The following CHD1 variants were observed in gnomAD, a reference collection of about 807,000 sequenced individuals.
The protein encoded by CHD1 is chromodomain helicase DNA binding protein 1, also known as ATP-dependent chromatin remodeler CHD1.
CHD1 carries 36 observed loss-of-function variants against 224.2 expected under a neutral mutation model. The ratio of observed to expected loss-of-function variants is 0.16; its 90% CI spans 0.12 to 0.21. The LOEUF (loss-of-function observed/expected upper bound fraction) is 0.21, where lower values mean the gene tolerates loss of function less well. CHD1 is among the 10% of genes least tolerant of loss of function. The pLI, the probability that CHD1 is intolerant of heterozygous loss-of-function variation, is 1.00. For missense variants in CHD1, 1,378 were observed against 1,994.8 expected (o/e 0.69, Z 5.89); for synonymous variants, 668 against 658.3 (o/e 1.01, Z -0.23).
In CHD1 at chr5:98,889,176, A is replaced by G; in HGVS notation, c.2243T>C (p.Phe748Ser). ...SKGSKGSTSG[F>S]LNIMMELKKC... Reference sequence around the variant, plus strand: ...CTTTAGCTCCATCATAATGTTCAAAAAGCCTGAGGTACTGCCCTTGGAACC... The same window carrying G: ...CTTTAGCTCCATCATAATGTTCAAAGAGCCTGAGGTACTGCCCTTGGAACC... Residue 748 changes from phenylalanine to serine, a missense_variant, in exon 16 of 36, where the codon TTT becomes TCT. Phe to Ser is a radical substitution (Grantham distance 155, BLOSUM62 -2). Transcript: ENST00000614616. 6.2e-7 allele frequency: 1 copy of G among 1,611,372 alleles called. No homozygotes were observed. The highest frequency in any genetic ancestry group is 8.5e-7 in the Non-Finnish European group (1 of 1,177,928).
intron 2 of CHD1, among the ~76,000 whole-genome samples, chr5:98,910,403 T>C (rs1294143107): frequency 6.6e-6 from 1 of 152,160 alleles, no homozygotes; most frequent in African/African-American, 2.4e-5. Flanking sequence ...GGTAAAATAA[T>C]TTATCTCTGT....
At chr5:98,906,021 T>A (rs1021132165) in intron 2 of CHD1, among the ~76,000 whole-genome samples, 1 of 152,174 alleles carries the variant, frequency 6.6e-6, no homozygotes, top group South Asian at 2.1e-4. Context: ...AAAATACAAG[T>A]TTCCTGTCCT....
intron 2 of CHD1, among the ~76,000 whole-genome samples, chr5:98,910,956 A>G (rs1185959180): frequency 3.3e-5 from 5 of 151,260 alleles, no homozygotes; most frequent in African/African-American, 1.2e-4. Flanking sequence ...TTATCAACCA[A>G]TGTAAACTCA....
At chr5:98,927,397 G>A (rs1193396881) in intron 1 of CHD1, among the ~76,000 whole-genome samples, 1 of 152,088 alleles carries the variant, frequency 6.6e-6, no homozygotes, top group African/African-American at 2.4e-5. Flanking sequence ...AGAAAGTACC[G>A]AGACAGCCAA....
intron 2 of CHD1, among the ~76,000 whole-genome samples, chr5:98,917,498 C>A (rs114390618): frequency 6.6e-6 from 1 of 152,074 alleles, no homozygotes; most frequent in Non-Finnish European, 1.5e-5. Flanking sequence ...TTTTAGAATC[C>A]CATGATATCT....
At position 98,876,378 on chromosome 5, in the gene CHD1, A is replaced by G; in HGVS notation, c.3398+20T>C. On this transcript the variant is annotated intron_variant, in intron 24 of 35. Transcript: ENST00000614616. The stretch of plus-strand genomic sequence containing the variant: ...ACTCTACTAAAACCAAGTTGAAGCG[A>G]TTGTCTTATAACACCTTACCGCCTA... 6.2e-7 allele frequency: 1 copy of G among 1,604,466 alleles called. No homozygotes were observed. The highest frequency in any genetic ancestry group is 8.5e-7 in the Non-Finnish European group (1 of 1,172,562).
At chr5:98,916,526 C>T (rs151169242) in intron 2 of CHD1, among the ~76,000 whole-genome samples, 2 of 63,964 alleles carry the variant, frequency 3.1e-5, no homozygotes, top group South Asian at 1.1e-3. Context: ...GTCTGGGCAA[C>T]AAGAGTGAAA....
chr5:98,893,271 CT>C (rs1464069509), intron 14 of CHD1, 144 bp downstream of exon 14: 2 of 512,290 alleles, frequency 3.9e-6, no homozygotes, highest in South Asian at 4.3e-5. Flanking sequence ...ACTACCTGAC[CT>C]CATTTTCCTT....
At chr5:98,884,422 A>C (rs968210815) in intron 18 of CHD1, among the ~76,000 whole-genome samples, 5 of 152,034 alleles carry the variant, frequency 3.3e-5, no homozygotes, top group African/African-American at 9.7e-5. Context: ...AAAACCAAAC[A>C]TTGTATGTTC....
chr5:98,867,340 A>T (rs1344166725), intron 31 of CHD1, among the ~76,000 whole-genome samples: 1 of 152,212 alleles, frequency 6.6e-6, no homozygotes, highest in East Asian at 1.9e-4. Context: ...CGGTACAAAA[A>T]CTGAGCCTGT....
intron 2 of CHD1, among the ~76,000 whole-genome samples, chr5:98,925,193 T>C (rs1580546612): frequency 6.6e-6 from 1 of 152,204 alleles, no homozygotes; most frequent in Non-Finnish European, 1.5e-5. Context: ...AAATATTCAG[T>C]GCTCATTATC....
intron 7 of CHD1, among the ~76,000 whole-genome samples, chr5:98,900,281 C>CAA (rs77593613): frequency 6.5e-5 from 6 of 92,552 alleles, no homozygotes; most frequent in South Asian, 8.0e-4. Flanking sequence ...GATTCTGTCA[C>CAA]AAAAAAAAAA....
chr5:98,926,054 AATT>A (rs1753434527), intron 2 of CHD1, among the ~76,000 whole-genome samples: 1 of 152,100 alleles, frequency 6.6e-6, no homozygotes, highest in Non-Finnish European at 1.5e-5. Context: ...GCTCCAGCTT[AATT>A]ATTAGCTCAA....
At chr5:98,911,695 T>C (rs1752434567) in intron 2 of CHD1, among the ~76,000 whole-genome samples, 1 of 152,128 alleles carries the variant, frequency 6.6e-6, no homozygotes, top group Non-Finnish European at 1.5e-5. Context: ...TTCTCCAGCC[T>C]GGTACGCAGA....
In CHD1 at chr5:98,897,701, A is replaced by G. The variant is rs367765911; in HGVS notation, c.1366-381T>C. ...AATTTCTGAATTCCAAGTTATCCCT[A>G]TGAAGAATGTAATTCTTGTAATAAG... On this transcript the variant is annotated intron_variant, in intron 10 of 35. Coordinates refer to ENST00000614616, the MANE Select transcript of CHD1 (RefSeq NM_001270.4). Among the ~76,000 whole-genome samples, 10 of 152,302 alleles carry G rather than the reference A, an allele frequency of 6.6e-5. No homozygotes were observed. The East Asian group carries it at 1.2e-3, about 18-fold the overall frequency.
Position 98,858,090 on chromosome 5 carries a change from T to C in CHD1, c.4787+90A>G, listed in dbSNP as rs7727349. 7.5e-3 allele frequency: 7,217 copies of C among 957,474 alleles called. 114 individuals are homozygous for C. The highest frequency in any genetic ancestry group is 0.058 in the African/African-American group (3,542 of 61,584). The allele number at this position is 957,474 out of a possible 1,614,324, so 59.3% of individuals were successfully genotyped here. A position where few individuals can be genotyped will look rare whatever the true frequency, so the allele number is the denominator to read the frequency against. On this transcript the variant is annotated intron_variant, in intron 35 of 35. Transcript: ENST00000614616. ...AAGATTTGTTTTGACTGCATGAAGA[T>C]TGAATTGGCTGACAGGTCAAATACA...
chr5:98,881,045 T>C (rs746617425), intron 22 of CHD1, 31 bp downstream of exon 22: 5 of 1,265,462 alleles, frequency 4.0e-6, no homozygotes, highest in Non-Finnish European at 5.7e-6. Context: ...TCAATTTATG[T>C]AATTACAAGG....
intron 2 of CHD1, among the ~76,000 whole-genome samples, chr5:98,916,697 A>T (rs1752759233): frequency 6.6e-6 from 1 of 152,138 alleles, no homozygotes; most frequent in Non-Finnish European, 1.5e-5. Flanking sequence ...GTCTGCATAT[A>T]CCTATGGGTG....
In CHD1 at chr5:98,899,708, GA is replaced by G; in HGVS notation, c.860-4del. On this transcript the variant is annotated splice_polypyrimidine_tract_variant and splice_region_variant and intron_variant, in intron 7 of 35. Coordinates refer to ENST00000614616, the MANE Select transcript of CHD1 (RefSeq NM_001270.4). ...GATGGTTGTAGTAGCACCAGTAGCTGAAAACAAAAGCACAAGATCCTTCCAT... is the reference window on the plus strand; with the variant it reads ...GATGGTTGTAGTAGCACCAGTAGCTGAAACAAAAGCACAAGATCCTTCCAT... The G allele has an allele frequency of 6.3e-7, 1 of 1,597,640 alleles. No homozygotes were observed. Among genetic ancestry groups the G allele is most frequent in the Non-Finnish European group, 8.6e-7 (1 of 1,167,614 alleles).
Sources: allele counts gnomAD v4.1 joint callset (sites outside exome capture counted in the v4.1 genomes callset), GRCh38; gene constraint gnomAD v4.1.1; transcripts MANE v1.5; gene names NCBI Gene and HGNC (gene_info 2026-07-23, HGNC 2026-07-21).